TTBK2: variants seen among roughly 807,000 people sequenced by gnomAD.
The protein encoded by TTBK2 is tau tubulin kinase 2.
Under a neutral mutation model 110.8 loss-of-function variants are expected in TTBK2, and 28 were observed. That is an observed-to-expected ratio of 0.25 (90% CI 0.19 to 0.35). The LOEUF (loss-of-function observed/expected upper bound fraction) is 0.35, where lower values mean the gene tolerates loss of function less well. Ranked by LOEUF, TTBK2 falls within the 10% of genes least tolerant of loss-of-function variation. TTBK2 has a pLI of 1.00. For synonymous variants in TTBK2, 532 were observed against 527.3 expected (o/e 1.01, Z -0.12); for missense variants, 1,369 against 1,500.3 (o/e 0.91, Z 1.45).
chr15:42,816,435 A>C (rs1472365462), intron 7 of TTBK2, among the ~76,000 whole-genome samples: 3 of 152,084 alleles, frequency 2.0e-5, no homozygotes, highest in Non-Finnish European at 4.4e-5. Context: ...TTTCCCAAAG[A>C]CATAAATATA....
chr15:42,866,343 A>T (rs1894371939), intron 3 of TTBK2, among the ~76,000 whole-genome samples: 1 of 152,196 alleles, frequency 6.6e-6, no homozygotes, highest in Non-Finnish European at 1.5e-5. Context: ...CAATTCTCTA[A>T]GAGGCCATAT....
At chr15:42,810,371 G>A (rs1386233331) in intron 9 of TTBK2, among the ~76,000 whole-genome samples, 1 of 152,190 alleles carries the variant, frequency 6.6e-6, no homozygotes, top group Non-Finnish European at 1.5e-5. Flanking sequence ...AGGAAAATCT[G>A]TTGCAAGATG....
At chr15:42,907,907 C>CAA (rs1283939502) in intron 1 of TTBK2, among the ~76,000 whole-genome samples, 4 of 121,468 alleles carry the variant, frequency 3.3e-5, no homozygotes, top group Admixed American at 1.8e-4. Flanking sequence ...CCCATCTCTA[C>CAA]AAAAAAAAAA....
intron 9 of TTBK2, chr15:42,800,429 C>G: frequency 3.5e-6 from 1 of 288,632 alleles, no homozygotes; most frequent in Non-Finnish European, 6.7e-6. Flanking sequence ...ATAACTGTAT[C>G]ATATTTACCT....
chr15:42,853,583 A>C (rs2141056147), intron 3 of TTBK2, among the ~76,000 whole-genome samples: 1 of 152,352 alleles, frequency 6.6e-6, no homozygotes, highest in African/African-American at 2.4e-5. Context: ...CTGAAAAATG[A>C]AAAAGTACAA....
intron 9 of TTBK2, chr15:42,801,539 A>T (rs1365691288): frequency 2.6e-6 from 2 of 765,836 alleles, no homozygotes; most frequent in Non-Finnish European, 4.8e-6. Flanking sequence ...CTTCTGACCC[A>T]GCGTCTGCAG....
intron 3 of TTBK2, among the ~76,000 whole-genome samples, chr15:42,843,758 C>CAAAA (rs57403388): frequency 8.4e-5 from 6 of 71,658 alleles, no homozygotes; most frequent in East Asian, 5.8e-4. Context: ...GACTTGGTCT[C>CAAAA]AAAAAAAAAA....
chr15:42,769,925 A>C (rs1264540477), intron 13 of TTBK2, among the ~76,000 whole-genome samples: 1 of 152,190 alleles, frequency 6.6e-6, no homozygotes, highest in Non-Finnish European at 1.5e-5. Context: ...ATGCAGCCAT[A>C]AAAAGGATGA....
intron 13 of TTBK2, among the ~76,000 whole-genome samples, chr15:42,771,042 C>T (rs1382363482): frequency 2.0e-5 from 3 of 151,370 alleles, no homozygotes; most frequent in African/African-American, 4.9e-5. Context: ...GGCGCGATCT[C>T]GGCTCACTGC....
At position 42,745,239 on chromosome 15, in the gene TTBK2, G is replaced by A. The variant is rs1457012593; in HGVS notation, c.*556C>T. On this transcript the variant is annotated 3_prime_UTR_variant, in exon 15 of 15. Transcript: ENST00000267890. Reference sequence around the variant, plus strand: ...TAAAAAAAAATCTGAACTCCAGGGAGGGTACTAGGAATGAGGCAAAGTAAA... The same window carrying A: ...TAAAAAAAAATCTGAACTCCAGGGAAGGTACTAGGAATGAGGCAAAGTAAA... 2 of 157,460 alleles carry A rather than the reference G, an allele frequency of 1.3e-5. No homozygotes were observed. Among genetic ancestry groups the A allele is most frequent in the East Asian group, 3.7e-4 (2 of 5,390 alleles). 9.8% of individuals were successfully genotyped at this position (157,460 alleles called of 1,614,324 possible). A position where few individuals can be genotyped will look rare whatever the true frequency, so the allele number is the denominator to read the frequency against.
At chr15:42,810,772 A>AT in intron 8 of TTBK2, 33 bp from the exon 9 acceptor site, 1 of 1,612,300 alleles carries the variant, frequency 6.2e-7, no homozygotes, top group Non-Finnish European at 8.5e-7. Context: ...GCTACAGTCA[A>AT]TTTCTCTTGG....
At chr15:42,913,406 G>C (rs569783996) in intron 1 of TTBK2, among the ~76,000 whole-genome samples, 1 of 152,006 alleles carries the variant, frequency 6.6e-6, no homozygotes, top group African/African-American at 2.4e-5. Context: ...TTGGTAGGCC[G>C]AGGCGGGCGG....
intron 1 of TTBK2, among the ~76,000 whole-genome samples, chr15:42,909,607 G>A (rs2030627935): frequency 6.6e-6 from 1 of 152,072 alleles, no homozygotes; most frequent in Non-Finnish European, 1.5e-5. Context: ...GGCCATTATT[G>A]CACTTACCGC....
In TTBK2 at chr15:42,745,867, G is replaced by A. The variant is rs768597439; in HGVS notation, c.3663C>T (p.Ser1221=). ...TAGTGCTGGCTGAGTGGTGGTGGAG[G>A]CTGCCGGATCCTTTCAGGCCATTCT... ...PSKNGLKGSG[S]LHHHSASTKT... Residue 1221 remains serine (S), a synonymous_variant, in exon 15 of 15, where the codon AGC becomes AGT. Transcript: ENST00000267890. The A allele has an allele frequency of 1.2e-6, 2 of 1,614,062 alleles. No homozygotes were observed. The highest frequency in any genetic ancestry group is 2.2e-5 in the East Asian group (1 of 44,902).
intron 9 of TTBK2, among the ~76,000 whole-genome samples, chr15:42,806,406 C>T (rs1404447013): frequency 1.3e-5 from 2 of 152,204 alleles, no homozygotes; most frequent in Non-Finnish European, 2.9e-5. Flanking sequence ...AAAAGTAATC[C>T]TCTTAAAGCA....
chr15:42,834,078 G>C (rs1484059643), intron 4 of TTBK2, among the ~76,000 whole-genome samples: 2 of 150,922 alleles, frequency 1.3e-5, no homozygotes, highest in Non-Finnish European at 2.9e-5. Context: ...TGTAGTCCCA[G>C]CTACTCAGGA....
At chr15:42,789,854 T>TACACACACAC (rs58536399) in intron 10 of TTBK2, among the ~76,000 whole-genome samples, 6,132 of 147,530 alleles carry the variant, frequency 0.042, 140 homozygotes, top group Non-Finnish European at 0.053. Flanking sequence ...ATACATACAA[T>TACACACACAC]ACACACACAC....
In TTBK2 at chr15:42,847,572, G is replaced by GTGGCACATC. The variant is rs1196850667; in HGVS notation, c.218-7148_218-7140dup. 2.0e-5 allele frequency among the ~76,000 whole-genome samples: 3 copies of GTGGCACATC among 152,290 alleles called. No homozygotes were observed. The East Asian group carries it at 5.8e-4, about 29-fold the overall frequency. ...AGCTTTATATCTCACATTTAGATGT[G>GTGGCACATC]TGGCACATCTTAAGTAAATTTTTGC... On this transcript the variant is annotated intron_variant, in intron 3 of 14. Transcript: ENST00000267890.
intron 1 of TTBK2, among the ~76,000 whole-genome samples, chr15:42,882,143 A>T (rs1053196773): frequency 6.6e-6 from 1 of 152,112 alleles, no homozygotes. Context: ...AAAAATAAAA[A>T]ATAGCTAAAA....
Sources: gnomAD v4.1 joint callset for allele counts (sites outside exome capture counted in the v4.1 genomes callset) on GRCh38, gnomAD v4.1.1 for gene constraint, MANE v1.5 for transcripts, NCBI Gene and HGNC (gene_info 2026-07-23, HGNC 2026-07-21) for gene names.